Variants in NUP35 observed in about 807,000 individuals in gnomAD.
The protein encoded by NUP35 is nucleoporin 35.
In NUP35, 25 loss-of-function variants were observed where a neutral mutation model predicts 41.5. The ratio of observed to expected loss-of-function variants is 0.60; its 90% confidence interval spans 0.44 to 0.84. The LOEUF is 0.84. NUP35 is among the 40% of genes least tolerant of loss of function. The pLI, the probability that NUP35 is intolerant of heterozygous loss-of-function variation, is 0.00. For missense variants in NUP35, 396 were observed against 396.6 expected, an observed-to-expected ratio of 1.00 and a Z score of 0.01; for synonymous variants, 149 against 130.7, an observed-to-expected ratio of 1.14 and a Z score of -0.96.
chr2:183,159,438 T>A (rs978200861), intron 7 of NUP35, 50 bp from the exon 8 acceptor site: 1 of 1,385,616 alleles, frequency 7.2e-7, no homozygotes, highest in Non-Finnish European at 1.0e-6. Flanking sequence ...TAATACTGGA[T>A]GATATGTATT....
chr2:183,135,998 C>T (rs888032315), intron 4 of NUP35, among the ~76,000 whole-genome samples: 6 of 152,198 alleles, frequency 3.9e-5, no homozygotes, highest in Admixed American at 1.3e-4. Flanking sequence ...ACACCCAATA[C>T]AAATTGGATC....
intron 8 of NUP35, chr2:183,160,476 C>T (rs1685833245): frequency 6.6e-6 from 1 of 152,130 alleles, no homozygotes. Flanking sequence ...CAACCTCTGC[C>T]TCCTGGGTTC....
chr2:183,138,269 A>ATATATTTTTTTTT, intron 4 of NUP35, among the ~76,000 whole-genome samples: 34 of 80,664 alleles, frequency 4.2e-4, no homozygotes, highest in East Asian at 6.9e-4. Context: ...ATATATATAT[A>ATATATTTTTTTTT]TTTTTTTTTT....
chr2:183,151,681 AC>A (rs765470523), intron 5 of NUP35, 32 bp downstream of exon 5: 1 of 1,584,652 alleles, frequency 6.3e-7, no homozygotes, highest in South Asian at 1.2e-5. Flanking sequence ...CCTTTTAAAA[AC>A]CCCACCCTAA....
At chr2:183,124,207 G>A, upstream of NUP35, 1 of 779,968 alleles carries the variant, frequency 1.3e-6, no homozygotes, top group Non-Finnish European at 1.8e-6. Flanking sequence ...AGCATTCCCG[G>A]ATGAAAAGCA....
At chr2:183,133,210 T>C (rs1684754929) in intron 3 of NUP35, among the ~76,000 whole-genome samples, 1 of 152,286 alleles carries the variant, frequency 6.6e-6, no homozygotes, top group South Asian at 2.1e-4. Context: ...CCCTTCTGTT[T>C]TTCTGTATGA....
upstream of NUP35, chr2:183,123,695 CAT>C (rs1287179854): frequency 5.0e-6 from 3 of 601,464 alleles, no homozygotes; most frequent in Non-Finnish European, 6.3e-6. Flanking sequence ...TTTACACACA[CAT>C]ATGCAGAATA....
At chr2:183,132,604 A>G (rs1348207723) in intron 3 of NUP35, among the ~76,000 whole-genome samples, 1 of 152,142 alleles carries the variant, frequency 6.6e-6, no homozygotes, top group Non-Finnish European at 1.5e-5. Flanking sequence ...GTTTGTTGCA[A>G]GAACCACTGG....
chr2:183,155,978 CA>C (rs1439653968), intron 5 of NUP35, among the ~76,000 whole-genome samples: 1 of 152,056 alleles, frequency 6.6e-6, no homozygotes, highest in African/African-American at 2.4e-5. Flanking sequence ...TTATTTTGAT[CA>C]TTTATGGGGA....
intron 4 of NUP35, among the ~76,000 whole-genome samples, chr2:183,144,503 T>A (rs1300801812): frequency 6.6e-6 from 1 of 152,252 alleles, no homozygotes; most frequent in Non-Finnish European, 1.5e-5. Context: ...ACTAGTCTTT[T>A]AATCTCTTTT....
chr2:183,141,138 G>A (rs1474142372), intron 4 of NUP35, among the ~76,000 whole-genome samples: 1 of 149,766 alleles, frequency 6.7e-6, no homozygotes, highest in Non-Finnish European at 1.5e-5. Flanking sequence ...TTTTTCCTCA[G>A]CATCTAGCTG....
Position 183,130,395 on chromosome 2 carries a change from T to G in NUP35, c.212-23T>G, listed in dbSNP as rs751695414. ...ACCAAAAAGAAGAATCCCTTTTTTT[T>G]TTTTTTTTTTTGTACACTGTAGGTG... On this transcript the variant is annotated intron_variant, in intron 2 of 8. Transcript: ENST00000295119. 3.2e-5 allele frequency: 44 copies of G among 1,361,924 alleles called. No individual in the cohort carries two copies. In the African/African-American group the frequency reaches 6.5e-4, roughly 20 times the overall value. The allele number at this position is 1,361,924 out of a possible 1,614,324, so 84.4% of individuals were successfully genotyped here.
At chr2:183,155,739 T>G (rs1217238642) in intron 5 of NUP35, among the ~76,000 whole-genome samples, 1 of 152,166 alleles carries the variant, frequency 6.6e-6, no homozygotes, top group Non-Finnish European at 1.5e-5. Flanking sequence ...GGCTGCATGT[T>G]TTTGAAAATA....
At chr2:183,132,399 C>CA (rs36122337) in intron 3 of NUP35, among the ~76,000 whole-genome samples, 27,465 of 140,980 alleles carry the variant, frequency 0.19, 2,655 homozygotes, top group African/African-American at 0.26. Context: ...ACTGAAAATA[C>CA]AAAAAAAAAA....
chr2:183,146,128 C>T (rs1685267983), intron 4 of NUP35, among the ~76,000 whole-genome samples: 1 of 151,384 alleles, frequency 6.6e-6, no homozygotes, highest in African/African-American at 2.5e-5. Flanking sequence ...CCCAACTACT[C>T]CAGAAGCTGA....
chr2:183,141,630 A>T (rs191468504), intron 4 of NUP35, among the ~76,000 whole-genome samples: 3 of 152,142 alleles, frequency 2.0e-5, no homozygotes, highest in Non-Finnish European at 1.5e-5. Flanking sequence ...TGATTCTCCA[A>T]TAGTTAATAA....
upstream of NUP35, chr2:183,124,306 A>T (rs1202171241): frequency 2.7e-6 from 4 of 1,501,860 alleles, no homozygotes; most frequent in Admixed American, 4.5e-5. Flanking sequence ...GCCCTATTCC[A>T]AAATGGCTCC....
intron 4 of NUP35, among the ~76,000 whole-genome samples, chr2:183,145,158 A>G (rs1418768525): frequency 1.3e-5 from 2 of 152,234 alleles, no homozygotes; most frequent in Admixed American, 6.5e-5. Flanking sequence ...ATATGCTTCC[A>G]CTTACTAAAG....
At chr2:183,123,020 C>T (rs1700091955), upstream of NUP35, among the ~76,000 whole-genome samples, 1 of 152,134 alleles carries the variant, frequency 6.6e-6, no homozygotes, top group Admixed American at 6.5e-5. Flanking sequence ...TATGTGATGG[C>T]AGAAGCTGAA....
Sources: allele counts gnomAD v4.1 joint callset (sites outside exome capture counted in the v4.1 genomes callset), GRCh38; gene constraint gnomAD v4.1.1; transcripts MANE v1.5; gene names NCBI Gene and HGNC (gene_info 2026-07-23, HGNC 2026-07-21).